Variants in CAMK1D observed in about 807,000 individuals in gnomAD.
The protein encoded by CAMK1D is calcium/calmodulin dependent protein kinase ID.
Under a neutral mutation model 47.7 loss-of-function variants are expected in CAMK1D, and 9 were observed. The observed-to-expected ratio is 0.19, with a 90% CI of 0.11 to 0.33. The LOEUF (loss-of-function observed/expected upper bound fraction) is 0.33. Ranked by LOEUF, CAMK1D falls within the 10% of genes least tolerant of loss-of-function variation. CAMK1D has a pLI of 1.00. For missense variants in CAMK1D, 291 were observed against 488.7 expected, an observed-to-expected ratio of 0.60 and a Z score of 3.81; for synonymous variants, 184 against 184.9, an observed-to-expected ratio of 0.99 and a Z score of 0.04.
intron 1 of CAMK1D, among the ~76,000 whole-genome samples, chr10:12,388,875 A>G (rs953994184): frequency 6.6e-6 from 1 of 152,194 alleles, no homozygotes; most frequent in Admixed American, 6.5e-5. Flanking sequence ...CCCTGGAGGC[A>G]CGTCGTGCTG....
At chr10:12,359,580 C>T (rs2131838698) in intron 1 of CAMK1D, among the ~76,000 whole-genome samples, 1 of 151,630 alleles carries the variant, frequency 6.6e-6, no homozygotes, top group Non-Finnish European at 1.5e-5. Flanking sequence ...TTAAAAAAAT[C>T]TGTCCCTCTC....
At position 12,468,933 on chromosome 10, in the gene CAMK1D, C is replaced by T. The variant is rs184024867; in HGVS notation, c.93-84292C>T. On this transcript the variant is annotated intron_variant, in intron 1 of 10. Transcript: ENST00000619168. Reference sequence around the variant, plus strand: ...AGGGCTGGGGGTGCTTCTTTTTATTCATTATTTAGCAGCCTCTTTCTGGTC... The same window carrying T: ...AGGGCTGGGGGTGCTTCTTTTTATTTATTATTTAGCAGCCTCTTTCTGGTC... 2.5e-3 allele frequency among the ~76,000 whole-genome samples: 387 copies of T among 152,218 alleles called. 2 individuals are homozygous for T. The highest frequency in any genetic ancestry group is 8.7e-3 in the African/African-American group (362 of 41,526).
chr10:12,803,611 C>T (rs765715010), intron 6 of CAMK1D, among the ~76,000 whole-genome samples: 4 of 152,092 alleles, frequency 2.6e-5, no homozygotes, highest in Admixed American at 6.6e-5. Context: ...GCCGAGATCA[C>T]GCCATTGCAC....
chr10:12,401,729 AAG>A (rs1190632695), intron 1 of CAMK1D, among the ~76,000 whole-genome samples: 1 of 151,810 alleles, frequency 6.6e-6, no homozygotes, highest in Non-Finnish European at 1.5e-5. Flanking sequence ...CCAGGTGAGC[AAG>A]AGAGAGAGGG....
intron 1 of CAMK1D, among the ~76,000 whole-genome samples, chr10:12,493,685 G>A (rs572419561): frequency 1.6e-4 from 24 of 152,170 alleles, no homozygotes; most frequent in Non-Finnish European, 2.9e-4. Context: ...GTAGGGATGG[G>A]GTTTCACTAT....
chr10:12,416,225 A>G (rs111805358), intron 1 of CAMK1D, among the ~76,000 whole-genome samples: 1 of 152,232 alleles, frequency 6.6e-6, no homozygotes, highest in South Asian at 2.1e-4. Flanking sequence ...AGCGTTAACT[A>G]TATTAATGGA....
intron 1 of CAMK1D, among the ~76,000 whole-genome samples, chr10:12,417,597 C>T (rs1839898476): frequency 6.6e-6 from 1 of 152,036 alleles, no homozygotes; most frequent in African/African-American, 2.4e-5. Context: ...GGGGTTCAGC[C>T]ACAGTTGAGT....
chr10:12,601,422 G>A (rs188905354), intron 2 of CAMK1D, among the ~76,000 whole-genome samples: 3 of 152,234 alleles, frequency 2.0e-5, no homozygotes, highest in South Asian at 2.1e-4. Context: ...ACAGCACCTC[G>A]TATAAGTCTG....
intron 1 of CAMK1D, among the ~76,000 whole-genome samples, chr10:12,402,903 G>A (rs567657910): frequency 1.3e-5 from 2 of 152,136 alleles, no homozygotes; most frequent in South Asian, 4.1e-4. Flanking sequence ...TTCCAGATGC[G>A]CAGAATTGCG....
At chr10:12,486,226 C>T (rs1239868139) in intron 1 of CAMK1D, among the ~76,000 whole-genome samples, 13 of 151,812 alleles carry the variant, frequency 8.6e-5, no homozygotes, top group African/African-American at 2.9e-4. Context: ...TGGCACGATC[C>T]CAGCTCACTG....
intron 2 of CAMK1D, among the ~76,000 whole-genome samples, chr10:12,581,464 A>G (rs1268556177): frequency 2.6e-5 from 4 of 152,148 alleles, no homozygotes; most frequent in Non-Finnish European, 5.9e-5. Context: ...GAATCTCCAC[A>G]CTGTTTTCCA....
chr10:12,557,483 C>T (rs1364802547), intron 2 of CAMK1D, among the ~76,000 whole-genome samples: 13 of 142,678 alleles, frequency 9.1e-5, no homozygotes, highest in African/African-American at 3.4e-4. Context: ...ACCCGGGAGG[C>T]AGAGCTTGAA....
intron 1 of CAMK1D, among the ~76,000 whole-genome samples, chr10:12,504,113 GTGTGTGTGTGTGTGTC>G (rs1281602103): frequency 1.0e-3 from 142 of 142,058 alleles, no homozygotes; most frequent in African/African-American, 3.9e-3. Context: ...AGATGGGTGT[GTGTGTGTGTGTGTGTC>G]TGTGTGTGTG....
At chr10:12,401,120 T>A (rs1468884002) in intron 1 of CAMK1D, among the ~76,000 whole-genome samples, 1 of 74,850 alleles carries the variant, frequency 1.3e-5, no homozygotes, top group African/African-American at 5.6e-5. Flanking sequence ...ATATATATAA[T>A]ATATGTATTA....
intron 3 of CAMK1D, among the ~76,000 whole-genome samples, chr10:12,730,308 T>G (rs189409670): frequency 1.4e-3 from 207 of 152,136 alleles, no homozygotes; most frequent in South Asian, 5.2e-3. Context: ...GATGCCAAGA[T>G]TTTTGCCCAA....
chr10:12,574,115 A>G (rs1199205024), intron 2 of CAMK1D, among the ~76,000 whole-genome samples: 1 of 152,164 alleles, frequency 6.6e-6, no homozygotes, highest in Non-Finnish European at 1.5e-5. Flanking sequence ...AAGACTTGAC[A>G]ATGATTCTTG....
intron 2 of CAMK1D, among the ~76,000 whole-genome samples, chr10:12,594,342 A>G (rs111759658): frequency 3.3e-5 from 5 of 152,354 alleles, no homozygotes; most frequent in African/African-American, 1.2e-4. Flanking sequence ...TTTCTTTTAT[A>G]CAAAACAAGT....
intron 8 of CAMK1D, among the ~76,000 whole-genome samples, chr10:12,824,046 C>G (rs529422677): frequency 6.6e-6 from 1 of 151,892 alleles, no homozygotes; most frequent in East Asian, 1.9e-4. Flanking sequence ...AGTTGGGGAA[C>G]AAGTGTGAGA....
intron 1 of CAMK1D, among the ~76,000 whole-genome samples, chr10:12,449,696 A>T (rs1564346764): frequency 6.6e-6 from 1 of 152,226 alleles, no homozygotes; most frequent in African/African-American, 2.4e-5. Flanking sequence ...GTCATACCTC[A>T]GTAAAGCTTA....
Sources: gnomAD v4.1 joint callset for allele counts (sites outside exome capture counted in the v4.1 genomes callset) on GRCh38, gnomAD v4.1.1 for gene constraint, MANE v1.5 for transcripts, NCBI Gene and HGNC (gene_info 2026-07-23, HGNC 2026-07-21) for gene names.